The following DUOX2 variants were observed in gnomAD, a reference collection of about 807,000 sequenced individuals.
The protein encoded by DUOX2 is NADH/NADPH thyroid oxidase p138-tox.
In DUOX2, 185 loss-of-function variants were observed where a neutral mutation model predicts 183.3. The ratio of observed to expected loss-of-function variants is 1.01; its 90% CI spans 0.90 to 1.14. The LOEUF (loss-of-function observed/expected upper bound fraction) is 1.14, where lower values mean the gene tolerates loss of function less well. Among genes scored for constraint, DUOX2 ranks in the 50% most tolerant of loss-of-function variants. The probability of loss-of-function intolerance (pLI) is 0.00; values close to 1 mark genes in which losing one functional copy is unlikely to be tolerated. For missense variants in DUOX2, 1,999 were observed against 2,022.9 expected (o/e 0.99, Z 0.23); for synonymous variants, 788 against 812.4 (o/e 0.97, Z 0.51).
chr15:45,112,428 C>T, intron 4 of DUOX2, 126 bp downstream of exon 4: 2 of 1,195,984 alleles, frequency 1.7e-6, no homozygotes, highest in East Asian at 2.5e-5. Flanking sequence ...TCTCGAAGTG[C>T]TGCGTAGAGA....
chr15:45,095,508 T>G lies in DUOX2; in HGVS notation c.4168A>C (p.Thr1390Pro), dbSNP rs1012156089. The G allele has an allele frequency of 9.9e-6, 16 of 1,613,862 alleles. No individual in the cohort carries two copies. The Admixed American group carries it at 2.0e-4, about 20-fold the overall frequency. The stretch of plus-strand genomic sequence containing the variant: ...TCTTTGAGGATGGAGGCAAAGGGGG[T>G]GACCCCAATGCCCCCTCCCACCAAC... ...SVLVGGGIGV[T>P]PFASILKDLV... is the part of the protein sequence containing the mutation. Residue 1390 changes from threonine to proline, a missense_variant, in exon 31 of 34, where the codon ACC becomes CCC. Transcript: ENST00000389039.
In DUOX2 at chr15:45,104,337, C is replaced by T; in HGVS notation, c.2363G>A (p.Gly788Glu). 3 of 1,613,862 alleles carry T rather than the reference C, an allele frequency of 1.9e-6. No individual in the cohort carries two copies. The highest frequency in any genetic ancestry group is 2.2e-5 in the South Asian group (2 of 91,020). ...QVLDINQADA[G>E]TLPLDSSQKV... ...CTGGGAGGAGTCCAGGGGCAGGGTC[C>T]CTGCGTCGGCCTGGTTGATGTCCAG... Residue 788 changes from glycine to glutamate, a missense_variant, in exon 19 of 34, where the codon GGG (glycine) becomes GAG (glutamate). This residue lies in a region of DUOX2 where 1,628 missense variants were observed against 1,608.6 expected (regional missense o/e 1.01). Coordinates refer to ENST00000389039, the MANE Select transcript of DUOX2 (RefSeq NM_001363711.2).
In DUOX2 at chr15:45,109,754, C is replaced by T. The variant is rs902963743; in HGVS notation, c.1132-128G>A. 9.4e-5 allele frequency: 123 copies of T among 1,307,844 alleles called. 2 individuals carry two copies. Among genetic ancestry groups the T allele is most frequent in the Admixed American group, 6.7e-4 (38 of 56,504 alleles). The allele number at this position is 1,307,844 out of a possible 1,614,324, so 81.0% of individuals were successfully genotyped here. On this transcript the variant is annotated intron_variant, in intron 10 of 33. Transcript: ENST00000389039. The stretch of plus-strand genomic sequence containing the variant: ...CCAGACTCTCTTGAACTGTTGTCCC[C>T]GGATAATTTCCTCTACCCTTCATCT...
Position 45,104,924 on chromosome 15 carries a change from G to A in DUOX2, c.2335-559C>T, listed in dbSNP as rs1286849680. Among the ~76,000 whole-genome samples, 5 of 152,176 alleles carry A rather than the reference G, an allele frequency of 3.3e-5. No homozygotes were observed. The South Asian group carries it at 6.2e-4, about 19-fold the overall frequency. On this transcript the variant is annotated intron_variant, in intron 18 of 33. Transcript: ENST00000389039. Reference sequence around the variant, plus strand: ...CAACCTCCGCCACCCGGGTTCAAGCGATTCTCCTGCCTCAGCCTCCCAAGT... The same window carrying A: ...CAACCTCCGCCACCCGGGTTCAAGCAATTCTCCTGCCTCAGCCTCCCAAGT...
intron 2 of DUOX2, 115 bp from the exon 3 acceptor site, chr15:45,113,191 G>T: frequency 6.9e-7 from 1 of 1,443,058 alleles, no homozygotes; most frequent in Non-Finnish European, 9.5e-7. Flanking sequence ...CCGGACCCAA[G>T]TGTCGGGCCG....
At position 45,106,946 on chromosome 15, in the gene DUOX2, G is replaced by C; in HGVS notation, c.1717C>G (p.Gln573Glu). The C allele has an allele frequency of 6.3e-7, 1 of 1,578,946 alleles. No homozygotes were observed. Among genetic ancestry groups the C allele is most frequent in the Non-Finnish European group, 8.6e-7 (1 of 1,162,574 alleles). ...HKGAPCPQPKQLTTDGLPQCA... is the reference protein window; with the variant it reads ...HKGAPCPQPKELTTDGLPQCA... ...TGGGGCAGGCCGTCAGTTGTGAGCT[G>C]CTTAGGTTGAGGGCAGGGTGCACCT... Residue 573 changes from glutamine (Q) to glutamate (E), a missense_variant, in exon 15 of 34, where the codon CAG (glutamine) becomes GAG (glutamate). Physicochemically the swap from Gln to Glu is conservative, Grantham distance 29. Around this residue, in one of 3 missense-constraint regions of DUOX2, gnomAD observed 1,628 missense variants for 1,608.6 expected, o/e 1.01. Coordinates refer to ENST00000389039, the MANE Select transcript of DUOX2 (RefSeq NM_001363711.2).
In DUOX2 at chr15:45,111,597, G is replaced by A. The variant is rs754861497; in HGVS notation, c.514-12C>T. ...GTCACCTGGTTGGCCTGCGGGGCAC[G>A]CGGCGGGTGAGCCCGGGTCGAGAGG... On this transcript the variant is annotated splice_polypyrimidine_tract_variant and intron_variant, in intron 5 of 33. Coordinates refer to ENST00000389039, the MANE Select transcript of DUOX2 (RefSeq NM_001363711.2). The A allele has an allele frequency of 3.3e-6, 5 of 1,527,414 alleles. No homozygotes were observed. The highest frequency in any genetic ancestry group is 4.4e-6 in the Non-Finnish European group (5 of 1,142,870). The allele number at this position is 1,527,414 out of a possible 1,614,324, so 94.6% of individuals were successfully genotyped here. A position where few individuals can be genotyped will look rare whatever the true frequency, so the allele number is the denominator to read the frequency against.
At position 45,106,276 on chromosome 15, in the gene DUOX2, A is replaced by G; in HGVS notation, c.1997T>C (p.Leu666Pro). Residue 666 changes from leucine (L) to proline (P), a missense_variant, in exon 17 of 34, where the codon CTG (leucine) becomes CCG (proline). Leu to Pro is a moderately conservative substitution (Grantham distance 98). Coordinates refer to ENST00000389039, the MANE Select transcript of DUOX2 (RefSeq NM_001363711.2). ...KERSSPIIIQ[L>P]LSDRCLQVLN... is the part of the protein sequence containing the mutation. ...GACCTGCAGACACCTGTCTGACAGC[A>G]GCTGGATGATGATGGGACTGCTCCT... 6.2e-7 allele frequency: 1 copy of G among 1,614,122 alleles called. No homozygotes were observed. The highest frequency in any genetic ancestry group is 8.5e-7 in the Non-Finnish European group (1 of 1,180,020).
chr15:45,101,001 T>C, intron 22 of DUOX2, 163 bp from the exon 23 acceptor site: 1 of 694,068 alleles, frequency 1.4e-6, no homozygotes, highest in East Asian at 2.7e-5. Context: ...TGTAGAATGA[T>C]TCTGGCCTGG....
chr15:45,108,037 C>T lies in DUOX2; in HGVS notation c.1574+10G>A. 2.5e-6 allele frequency: 4 copies of T among 1,613,818 alleles called. No homozygotes were observed. Among genetic ancestry groups the T allele is most frequent in the Non-Finnish European group, 3.4e-6 (4 of 1,179,888 alleles). ...GAGCAGTCTGAGGTGGGGGCCCAGGCAAGCCTTACCCATTCCTGGTGTTCT... is the reference window on the plus strand; with the variant it reads ...GAGCAGTCTGAGGTGGGGGCCCAGGTAAGCCTTACCCATTCCTGGTGTTCT... On this transcript the variant is annotated intron_variant, in intron 13 of 33. Transcript: ENST00000389039.
intron 18 of DUOX2, among the ~76,000 whole-genome samples, chr15:45,105,278 G>T (rs1434138666): frequency 6.6e-6 from 1 of 152,226 alleles, no homozygotes; most frequent in Admixed American, 6.5e-5. Flanking sequence ...TCCTGGTTCA[G>T]TCTAACTGGG....
rs200479757 is a variant in DUOX2 at position 45,110,682 on chromosome 15, C to T, written c.911G>A (p.Ser304Asn). 169 of 1,612,480 alleles carry T rather than the reference C, an allele frequency of 1.0e-4. 1 individual carries two copies. The highest frequency in any genetic ancestry group is 5.0e-5 in the Admixed American group (3 of 60,010). The change falls in exon 8 of 34, where the codon AGC becomes AAC. Residue 304 changes from serine to asparagine, a missense_variant. Coordinates refer to ENST00000389039, the MANE Select transcript of DUOX2 (RefSeq NM_001363711.2). ...CTCCGGGAGTGTTTTCTGCAGGAAG[C>T]TGGGCAGCCACTCATACACAGCGAT... ...QNIAVYEWLP[S>N]FLQKTLPEYT...
chr15:45,099,563 A>G (rs1894008091), intron 25 of DUOX2, 81 bp from the exon 26 acceptor site: 2 of 1,578,166 alleles, frequency 1.3e-6, no homozygotes, highest in South Asian at 2.2e-5. Flanking sequence ...AGGCATAGGG[A>G]GGAGAGATGG....
chr15:45,106,494 TC>T (rs1396905204), intron 16 of DUOX2, 33 bp downstream of exon 16: 1 of 1,607,060 alleles, frequency 6.2e-7, no homozygotes, highest in Non-Finnish European at 8.5e-7. Context: ...CCCTCCTCCG[TC>T]CCTCCTCCCT....
chr15:45,107,117 T>G, intron 14 of DUOX2, 148 bp from the exon 15 acceptor site: 1 of 1,310,478 alleles, frequency 7.6e-7, no homozygotes, highest in Non-Finnish European at 1.1e-6. Flanking sequence ...AAAGTCCCCA[T>G]TCATTTCCTG....
chr15:45,104,466 A>G (rs1894163647), intron 18 of DUOX2, 101 bp from the exon 19 acceptor site: 13 of 1,476,596 alleles, frequency 8.8e-6, no homozygotes, highest in Admixed American at 2.0e-5. Context: ...TCCAAATCAG[A>G]AAGGCTAAAC....
chr15:45,102,521 T>C (rs1485864334), intron 20 of DUOX2, among the ~76,000 whole-genome samples: 1 of 152,192 alleles, frequency 6.6e-6, no homozygotes, highest in African/African-American at 2.4e-5. Context: ...CAAGCTCTAT[T>C]CATAGGTTGT....
Position 45,113,333 on chromosome 15 carries a change from G to A in DUOX2, c.70+9C>T. The A allele has an allele frequency of 6.4e-7, 1 of 1,558,120 alleles. No individual in the cohort carries two copies. Among genetic ancestry groups the A allele is most frequent in the Non-Finnish European group, 8.7e-7 (1 of 1,150,142 alleles). On this transcript the variant is annotated intron_variant, in intron 2 of 33. Coordinates refer to ENST00000389039, the MANE Select transcript of DUOX2 (RefSeq NM_001363711.2). The stretch of plus-strand genomic sequence containing the variant: ...GAACACCCCGCCGCTAGAGGAGCCT[G>A]ATACTTGCCCGATGGACCCAGGGAT...
intron 14 of DUOX2, 29 bp downstream of exon 14, chr15:45,107,316 A>T (rs1894245283): frequency 6.2e-7 from 1 of 1,611,526 alleles, no homozygotes; most frequent in African/African-American, 1.3e-5. Flanking sequence ...GGCCACTGTC[A>T]CTCACTTGTG....
Sources: gnomAD v4.1 joint callset for allele counts (sites outside exome capture counted in the v4.1 genomes callset) on GRCh38, gnomAD v4.1.1 for gene constraint, gnomAD v4.1.1 regional missense constraint, MANE v1.5 for transcripts, NCBI Gene and HGNC (gene_info 2026-07-23, HGNC 2026-07-21) for gene names.